DIAPH3: variants seen among roughly 807,000 people sequenced by gnomAD.
DIAPH3 encodes diaphanous related formin 3.
Under a neutral mutation model 144.3 loss-of-function variants are expected in DIAPH3, and 117 were observed. That is an observed-to-expected ratio of 0.81 (90% CI 0.70 to 0.95). The LOEUF (loss-of-function observed/expected upper bound fraction) is 0.95. DIAPH3 is among the 40% of genes least tolerant of loss of function. DIAPH3 has a pLI of 0.00. For synonymous variants in DIAPH3, 519 were observed against 488.9 expected, an observed-to-expected ratio of 1.06 and a Z score of -0.81; for missense variants, 1,421 against 1,412.7, an observed-to-expected ratio of 1.01 and a Z score of -0.09.
chr13:59,952,943 A>G (rs1298653731), intron 17 of DIAPH3, among the ~76,000 whole-genome samples: 1 of 152,222 alleles, frequency 6.6e-6, no homozygotes, highest in East Asian at 1.9e-4. Context: ...TCTTTAGTAA[A>G]GGAGCTTAAA....
At chr13:60,032,434 C>G (rs975411160) in intron 5 of DIAPH3, among the ~76,000 whole-genome samples, 1 of 152,208 alleles carries the variant, frequency 6.6e-6, no homozygotes, top group Non-Finnish European at 1.5e-5. Context: ...CCTCTAAAAT[C>G]TAGGCGGAGG....
At chr13:60,004,424 T>C (rs2052732377) in intron 9 of DIAPH3, among the ~76,000 whole-genome samples, 1 of 152,230 alleles carries the variant, frequency 6.6e-6, no homozygotes. Context: ...GTATCTATGT[T>C]ACCTTTTTTT....
Position 59,669,836 on chromosome 13 carries a change from G to C in DIAPH3, c.3320-2990C>G, listed in dbSNP as rs979796988. Among the ~76,000 whole-genome samples the C allele has an allele frequency of 2.0e-5, 3 of 151,978 alleles. No individual in the cohort carries two copies. In the South Asian group the frequency reaches 6.2e-4, roughly 32 times the overall value. On this transcript the variant is annotated intron_variant, in intron 27 of 27. Transcript: ENST00000400324. ...CCCATACTTACTCTCTTAATTCCTC[G>C]CTCCCTATTTTTCTCTTGAACCCAC...
At chr13:60,021,196 A>G (rs2053994064) in intron 5 of DIAPH3, among the ~76,000 whole-genome samples, 1 of 152,254 alleles carries the variant, frequency 6.6e-6, no homozygotes. Context: ...CAGATTGCAG[A>G]TGGAATTAAG....
intron 23 of DIAPH3, among the ~76,000 whole-genome samples, chr13:59,834,328 T>TAGTTAA (rs2041933131): frequency 6.6e-6 from 1 of 151,734 alleles, no homozygotes; most frequent in African/African-American, 2.4e-5. Flanking sequence ...AAATGGAACA[T>TAGTTAA]AGTTAAATTT....
intron 14 of DIAPH3, among the ~76,000 whole-genome samples, chr13:59,977,755 G>T (rs930693649): frequency 1.3e-5 from 2 of 151,722 alleles, no homozygotes; most frequent in African/African-American, 4.8e-5. Flanking sequence ...TATCTAAGAT[G>T]ACTACAGGGT....
chr13:59,901,213 C>T (rs931503445), intron 20 of DIAPH3, among the ~76,000 whole-genome samples: 15 of 152,342 alleles, frequency 9.8e-5, no homozygotes, highest in Non-Finnish European at 1.5e-4. Context: ...AACTCACTAA[C>T]GGCTTTCTTA....
chr13:59,947,264 C>T (rs543987867), intron 17 of DIAPH3, among the ~76,000 whole-genome samples: 49 of 152,188 alleles, frequency 3.2e-4, no homozygotes, highest in South Asian at 3.1e-3. Context: ...TAATGCATTA[C>T]AATTAGTAAA....
chr13:60,135,286 A>G (rs951170207), intron 1 of DIAPH3, among the ~76,000 whole-genome samples: 5 of 149,356 alleles, frequency 3.3e-5, no homozygotes, highest in African/African-American at 1.2e-4. Context: ...TTCTGAAACT[A>G]TCTCATTGAG....
chr13:59,980,281 A>G (rs1384238321), intron 14 of DIAPH3, among the ~76,000 whole-genome samples: 2 of 151,606 alleles, frequency 1.3e-5, no homozygotes, highest in African/African-American at 4.8e-5. Flanking sequence ...CAAAACTAAA[A>G]GCAAGTTAAC....
intron 25 of DIAPH3, among the ~76,000 whole-genome samples, chr13:59,775,815 A>C (rs1330731595): frequency 1.3e-5 from 2 of 152,252 alleles, no homozygotes; most frequent in Admixed American, 1.3e-4. Context: ...GATTACTTTA[A>C]ATTGATATCC....
At chr13:60,111,636 A>C (rs1187208000) in intron 3 of DIAPH3, among the ~76,000 whole-genome samples, 1 of 152,230 alleles carries the variant, frequency 6.6e-6, no homozygotes, top group African/African-American at 2.4e-5. Flanking sequence ...GAGGTGGAAC[A>C]GTTTCATTCC....
intron 4 of DIAPH3, among the ~76,000 whole-genome samples, chr13:60,072,835 T>C (rs1470808021): frequency 6.6e-6 from 1 of 152,200 alleles, no homozygotes; most frequent in Non-Finnish European, 1.5e-5. Flanking sequence ...GTAATATTCA[T>C]TTATTCTTCA....
chr13:59,733,614 C>T (rs1362060165), intron 27 of DIAPH3, among the ~76,000 whole-genome samples: 1 of 152,196 alleles, frequency 6.6e-6, no homozygotes, highest in African/African-American at 2.4e-5. Flanking sequence ...TTCTGTACCA[C>T]CAGTGCCATC....
intron 22 of DIAPH3, among the ~76,000 whole-genome samples, chr13:59,845,797 T>C (rs1391645661): frequency 1.3e-5 from 2 of 152,226 alleles, no homozygotes; most frequent in Non-Finnish European, 2.9e-5. Context: ...TTGCAATTAC[T>C]ACTCTCTATT....
intron 18 of DIAPH3, among the ~76,000 whole-genome samples, chr13:59,921,405 C>T (rs1237045934): frequency 2.0e-5 from 3 of 150,004 alleles, no homozygotes; most frequent in African/African-American, 4.9e-5. Flanking sequence ...CAACTGACAC[C>T]ACAAAAATAA....
intron 17 of DIAPH3, among the ~76,000 whole-genome samples, chr13:59,949,116 A>T (rs1318220735): frequency 6.6e-6 from 1 of 152,188 alleles, no homozygotes; most frequent in Non-Finnish European, 1.5e-5. Context: ...TATAGGGTTA[A>T]AACAGGGGAC....
At chr13:59,859,688 T>C (rs2043465668) in intron 22 of DIAPH3, among the ~76,000 whole-genome samples, 1 of 152,126 alleles carries the variant, frequency 6.6e-6, no homozygotes, top group African/African-American at 2.4e-5. Context: ...TTTTATCCCA[T>C]TTGGTCAAAA....
intron 17 of DIAPH3, among the ~76,000 whole-genome samples, chr13:59,937,273 C>G (rs922861236): frequency 1.3e-5 from 2 of 152,008 alleles, no homozygotes; most frequent in African/African-American, 4.8e-5. Context: ...AATTACAAAA[C>G]CAACTCTGAA....
Sources: gnomAD v4.1 joint callset for allele counts (sites outside exome capture counted in the v4.1 genomes callset) on GRCh38, gnomAD v4.1.1 for gene constraint, MANE v1.5 for transcripts, NCBI Gene and HGNC (gene_info 2026-07-23, HGNC 2026-07-21) for gene names.